Variants in HDAC9 observed in about 807,000 individuals in gnomAD.
HDAC9 encodes MEF-2 interacting transcription repressor (MITR) protein.
In HDAC9, 41 loss-of-function variants were observed where a neutral mutation model predicts 139.4. That is an observed-to-expected ratio of 0.29 (90% CI 0.23 to 0.38). The LOEUF (loss-of-function observed/expected upper bound fraction) is 0.38, where lower values mean the gene tolerates loss of function less well. Among genes scored for constraint, HDAC9 ranks in the 10% least tolerant of loss-of-function variants. HDAC9 has a pLI of 1.00. For missense variants in HDAC9, 1,147 were observed against 1,297.0 expected (o/e 0.88, Z 1.78); for synonymous variants, 517 against 476.2 (o/e 1.09, Z -1.12).
At chr7:18,157,266 C>T (rs1425823122) in intron 1 of HDAC9, among the ~76,000 whole-genome samples, 2 of 152,134 alleles carry the variant, frequency 1.3e-5, no homozygotes, top group African/African-American at 4.8e-5. Context: ...TCTGAGTAGC[C>T]TGTGCCTCGG....
intron 21 of HDAC9, among the ~76,000 whole-genome samples, chr7:18,865,024 G>C (rs959983734): frequency 6.6e-6 from 1 of 152,116 alleles, no homozygotes; most frequent in Non-Finnish European, 1.5e-5. Flanking sequence ...AAGCTTCACT[G>C]ACCAGAGACT....
At chr7:18,170,580 G>T (rs143078173) in intron 2 of HDAC9, among the ~76,000 whole-genome samples, 2,131 of 152,144 alleles carry the variant, frequency 0.014, 39 homozygotes, top group African/African-American at 0.049. Flanking sequence ...ATGGTTTTAG[G>T]TCTAACATTT....
At chr7:18,198,128 T>A (rs1247449320) in intron 2 of HDAC9, among the ~76,000 whole-genome samples, 2 of 152,156 alleles carry the variant, frequency 1.3e-5, no homozygotes, top group Non-Finnish European at 2.9e-5. Context: ...TTTTATTTAT[T>A]TAATATCAAT....
intron 16 of HDAC9, 44 bp from the exon 17 acceptor site, chr7:18,793,301 C>G (rs114396938): frequency 1.5e-6 from 2 of 1,336,362 alleles, no homozygotes; most frequent in South Asian, 1.3e-5. Context: ...CCTTCTCTTT[C>G]GCTTTCTTCT....
chr7:18,720,009 C>T (rs1785024249), intron 12 of HDAC9, among the ~76,000 whole-genome samples: 1 of 152,100 alleles, frequency 6.6e-6, no homozygotes, highest in South Asian at 2.1e-4. Flanking sequence ...ACATGTCTAT[C>T]CTTAAGCAAG....
chr7:18,599,774 A>G (rs1487154491), intron 6 of HDAC9, among the ~76,000 whole-genome samples: 1 of 152,180 alleles, frequency 6.6e-6, no homozygotes, highest in Non-Finnish European at 1.5e-5. Flanking sequence ...TTGTGTGGAC[A>G]TGTTTTCAGC....
chr7:18,631,833 T>A (rs1782444220), intron 7 of HDAC9, among the ~76,000 whole-genome samples: 1 of 152,026 alleles, frequency 6.6e-6, no homozygotes, highest in South Asian at 2.1e-4. Flanking sequence ...TATCATACAC[T>A]GAGATCAGAG....
intron 22 of HDAC9, chr7:18,907,026 C>T (rs541716556): frequency 2.0e-5 from 3 of 152,250 alleles, no homozygotes; most frequent in South Asian, 2.1e-4. Context: ...CTTTTCACAT[C>T]GGGAGCACCC....
rs181634241 is a variant in HDAC9 at position 18,849,730 on chromosome 7, G to A, written c.2684+13733G>A. ...AAAAATACTTGTTTATGTCAAAAAG[G>A]GGAGAATTTCCATTAAGTTCATACT... On this transcript the variant is annotated intron_variant, in intron 21 of 25. Coordinates refer to ENST00000686413, the MANE Select transcript of HDAC9 (RefSeq NM_178425.4). Among the ~76,000 whole-genome samples, 10 of 152,158 alleles carry A rather than the reference G, an allele frequency of 6.6e-5. No individual in the cohort carries two copies. The East Asian group carries it at 1.4e-3, about 21-fold the overall frequency.
intron 22 of HDAC9, among the ~76,000 whole-genome samples, chr7:18,877,086 A>T (rs946367817): frequency 6.6e-6 from 1 of 152,150 alleles, no homozygotes; most frequent in Non-Finnish European, 1.5e-5. Context: ...TATGACAGAC[A>T]TTGACTAGTT....
At chr7:18,217,623 G>A (rs975383937) in intron 2 of HDAC9, among the ~76,000 whole-genome samples, 3 of 152,008 alleles carry the variant, frequency 2.0e-5, no homozygotes, top group African/African-American at 4.8e-5. Flanking sequence ...AGAATCCTTC[G>A]GAAACATTTA....
intron 24 of HDAC9, among the ~76,000 whole-genome samples, chr7:18,965,061 A>G (rs533299110): frequency 6.6e-5 from 10 of 152,204 alleles, no homozygotes; most frequent in Admixed American, 1.3e-4. Context: ...TTAGCTTTGC[A>G]GTTTATTCAT....
chr7:18,873,999 ATGTT>A (rs1331426002), intron 21 of HDAC9, among the ~76,000 whole-genome samples: 2 of 148,396 alleles, frequency 1.3e-5, no homozygotes, highest in East Asian at 2.0e-4. Context: ...ATATTTAAAA[ATGTT>A]TTTTTTTTTT....
intron 25 of HDAC9, among the ~76,000 whole-genome samples, chr7:18,988,672 C>T (rs930978266): frequency 6.6e-6 from 1 of 151,780 alleles, no homozygotes; most frequent in African/African-American, 2.4e-5. Flanking sequence ...GTGTTAAAGT[C>T]TCCCATTATT....
intron 22 of HDAC9, among the ~76,000 whole-genome samples, chr7:18,902,439 G>A (rs539236622): frequency 3.1e-4 from 47 of 152,216 alleles, no homozygotes; most frequent in African/African-American, 1.1e-3. Context: ...GCTTTGGCAG[G>A]AATAACTCTC....
intron 1 of HDAC9, among the ~76,000 whole-genome samples, chr7:18,367,675 A>G (rs551781717): frequency 5.3e-5 from 8 of 152,146 alleles, no homozygotes; most frequent in South Asian, 4.1e-4. Context: ...TGGTACATGT[A>G]TGGGTATAAG....
rs1798669088 is a variant in HDAC9, at chr7:18,303,286, C to G, written c.-42+12771C>G. 3.9e-5 allele frequency among the ~76,000 whole-genome samples: 6 copies of G among 151,910 alleles called. No individual in the cohort carries two copies. The South Asian group carries it at 1.0e-3, about 26-fold the overall frequency. ...AGGCAGGAGTTTAGTGGCGCGATCTCGGCTCACTGCAAGCTCCGCCTCCCG... is the reference window on the plus strand; with the variant it reads ...AGGCAGGAGTTTAGTGGCGCGATCTGGGCTCACTGCAAGCTCCGCCTCCCG... On this transcript the variant is annotated intron_variant, in intron 1 of 3. Coordinates refer to the HDAC9 transcript ENST00000413509.
At position 18,724,406 on chromosome 7, in the gene HDAC9, G is replaced by T. The variant is rs150260254; in HGVS notation, c.1732-3174G>T. On this transcript the variant is annotated intron_variant, in intron 12 of 25. Coordinates refer to ENST00000686413, the MANE Select transcript of HDAC9 (RefSeq NM_178425.4). The stretch of plus-strand genomic sequence containing the variant: ...ATTTGTGTATATAAACATAGAAAAG[G>T]TACAATATAAATACAGTTTATTATA... Among the ~76,000 whole-genome samples the T allele has an allele frequency of 7.4e-4, 112 of 152,168 alleles. 1 individual carries two copies. In the Middle Eastern group the frequency reaches 0.01, roughly 14 times the overall value.
At chr7:18,526,171 T>C (rs1242587988) in intron 2 of HDAC9, among the ~76,000 whole-genome samples, 1 of 152,214 alleles carries the variant, frequency 6.6e-6, no homozygotes, top group Non-Finnish European at 1.5e-5. Flanking sequence ...ACATGAGCTT[T>C]GTAATTTATA....
Sources: gnomAD v4.1 joint callset for allele counts (sites outside exome capture counted in the v4.1 genomes callset) on GRCh38, gnomAD v4.1.1 for gene constraint, MANE v1.5 for transcripts, NCBI Gene and HGNC (gene_info 2026-07-23, HGNC 2026-07-21) for gene names.